The following PBX3 variants were observed in gnomAD, a reference collection of about 807,000 sequenced individuals.
The protein encoded by PBX3 is pre-B-cell leukemia transcription factor 3.
Under a neutral mutation model 48.5 loss-of-function variants are expected in PBX3, and 14 were observed. The observed-to-expected ratio is 0.29, with a 90% CI of 0.19 to 0.45. The LOEUF (loss-of-function observed/expected upper bound fraction) is 0.45. Ranked by LOEUF, PBX3 falls within the 20% of genes least tolerant of loss-of-function variation. The pLI is 1.00. For missense variants in PBX3, 386 were observed against 546.7 expected, an observed-to-expected ratio of 0.71 and a Z score of 2.93; for synonymous variants, 210 against 200.3, an observed-to-expected ratio of 1.05 and a Z score of -0.41.
chr9:125,880,822 C>CT (rs1840363882), intron 2 of PBX3, among the ~76,000 whole-genome samples: 1 of 152,052 alleles, frequency 6.6e-6, no homozygotes, highest in African/African-American at 2.4e-5. Flanking sequence ...GCTGGATTTT[C>CT]TTTTAGAGTT....
At chr9:125,867,277 T>TA (rs1474223320) in intron 2 of PBX3, among the ~76,000 whole-genome samples, 1 of 151,800 alleles carries the variant, frequency 6.6e-6, no homozygotes, top group East Asian at 1.9e-4. Context: ...CCATGGGTAA[T>TA]ACATTTTTAG....
At chr9:125,758,655 T>A (rs1349705434) in intron 2 of PBX3, among the ~76,000 whole-genome samples, 1 of 152,182 alleles carries the variant, frequency 6.6e-6, no homozygotes, top group East Asian at 1.9e-4. Flanking sequence ...AACCTCTTCT[T>A]CCTTAAGCGA....
intron 3 of PBX3, among the ~76,000 whole-genome samples, chr9:125,920,454 A>C (rs1380004207): frequency 1.3e-5 from 2 of 152,226 alleles, no homozygotes; most frequent in Non-Finnish European, 2.9e-5. Flanking sequence ...CCCTACCAAA[A>C]GGAAATGGAC....
At chr9:125,748,349 T>G (rs12686532) in intron 1 of PBX3, 14 of 1,296,686 alleles carry the variant, frequency 1.1e-5, no homozygotes, top group Admixed American at 3.1e-5. Flanking sequence ...GGGTCCGCCT[T>G]GTTCCGGCTG....
intron 2 of PBX3, among the ~76,000 whole-genome samples, chr9:125,777,277 T>A (rs953972568): frequency 2.0e-5 from 3 of 151,956 alleles, no homozygotes; most frequent in Non-Finnish European, 2.9e-5. Flanking sequence ...CCACCCAACG[T>A]GCTAGGATTA....
chr9:125,910,734 G>T (rs1446732744), intron 2 of PBX3, among the ~76,000 whole-genome samples: 2 of 150,284 alleles, frequency 1.3e-5, no homozygotes, highest in African/African-American at 4.9e-5. Flanking sequence ...GATGGGCTTT[G>T]GGGCCATGAG....
chr9:125,889,855 T>A (rs1314999312), intron 2 of PBX3, among the ~76,000 whole-genome samples: 1 of 147,672 alleles, frequency 6.8e-6, no homozygotes, highest in African/African-American at 2.4e-5. Context: ...GCGAGAACAA[T>A]GGGCGCGCCC....
chr9:125,788,086 T>C (rs1837504697), intron 2 of PBX3, among the ~76,000 whole-genome samples: 1 of 152,232 alleles, frequency 6.6e-6, no homozygotes, highest in African/African-American at 2.4e-5. Flanking sequence ...GTGACAATTA[T>C]TAATATTAGT....
intron 2 of PBX3, among the ~76,000 whole-genome samples, chr9:125,891,293 A>C (rs1340813765): frequency 6.6e-6 from 1 of 152,230 alleles, no homozygotes; most frequent in Non-Finnish European, 1.5e-5. Context: ...ATTTATTATT[A>C]TAGATAACCG....
chr9:125,748,473 G>A (rs987936728), intron 1 of PBX3, 77 bp from the exon 2 acceptor site: 5 of 1,565,046 alleles, frequency 3.2e-6, no homozygotes, highest in Admixed American at 1.7e-5. Flanking sequence ...TTAAATCTTG[G>A]GTCTAACTTA....
chr9:125,885,798 A>ATG (rs10564495), intron 2 of PBX3, among the ~76,000 whole-genome samples: 315 of 150,400 alleles, frequency 2.1e-3, no homozygotes, highest in Admixed American at 3.1e-3. Flanking sequence ...ACTGTAGGGG[A>ATG]TGTGTGTGTG....
rs1208664730 is a variant in PBX3, at chr9:125,834,847, C to T, written c.275-80839C>T. ...CCTGCCCAACATGGCGAAACCCCGTCTCTACCAAAAATACAAAAAATGAGC... is the reference window on the plus strand; with the variant it reads ...CCTGCCCAACATGGCGAAACCCCGTTTCTACCAAAAATACAAAAAATGAGC... On this transcript the variant is annotated intron_variant, in intron 2 of 8. Transcript: ENST00000373489. Among the ~76,000 whole-genome samples the T allele has an allele frequency of 4.0e-5, 6 of 149,920 alleles. 1 individual carries two copies. The highest frequency in any genetic ancestry group is 1.3e-4 in the Admixed American group (2 of 15,114).
chr9:125,868,224 G>A (rs112092724), intron 2 of PBX3, among the ~76,000 whole-genome samples: 3 of 152,028 alleles, frequency 2.0e-5, no homozygotes, highest in Admixed American at 6.6e-5. Context: ...ACTGTGCCAA[G>A]CACTTTGTAT....
At chr9:125,930,749 C>T (rs1426698593) in intron 4 of PBX3, among the ~76,000 whole-genome samples, 1 of 152,168 alleles carries the variant, frequency 6.6e-6, no homozygotes, top group Non-Finnish European at 1.5e-5. Context: ...CATGGGCTAG[C>T]ACAGTACCTA....
At chr9:125,921,981 A>G (rs955869552) in intron 3 of PBX3, among the ~76,000 whole-genome samples, 3 of 152,176 alleles carry the variant, frequency 2.0e-5, no homozygotes, top group Non-Finnish European at 4.4e-5. Context: ...TTCCCCCAAA[A>G]TCAGTGCTTG....
chr9:125,889,187 C>T (rs1840574776), intron 2 of PBX3, among the ~76,000 whole-genome samples: 1 of 152,216 alleles, frequency 6.6e-6, no homozygotes, highest in Admixed American at 6.5e-5. Flanking sequence ...AGTGTGGGTT[C>T]GCCCACATCC....
chr9:125,759,333 A>C lies in PBX3; in HGVS notation c.274+10710A>C, dbSNP rs543020519. ...TCTGTTGTTAAAGTGGCCCCTAGTG[A>C]TAGTGCTGCAGTGACTAGATAGAGC... On this transcript the variant is annotated intron_variant, in intron 2 of 8. Coordinates refer to ENST00000373489, the MANE Select transcript of PBX3 (RefSeq NM_006195.6). This position sits in a 1 kb window ranked among gnomAD's most constrained non-coding sequence, Gnocchi z 4.2. Among the ~76,000 whole-genome samples, 1 of 152,176 alleles carries C rather than the reference A, an allele frequency of 6.6e-6. No individual in the cohort carries two copies. The highest frequency in any genetic ancestry group is 1.5e-5 in the Non-Finnish European group (1 of 68,028).
chr9:125,965,723 C>T (rs903942408), intron 8 of PBX3, 108 bp from the exon 9 acceptor site: 3 of 799,336 alleles, frequency 3.8e-6, no homozygotes, highest in Admixed American at 1.9e-5. Context: ...TTAGAAAATA[C>T]ATTTTGCTAA....
intron 2 of PBX3, among the ~76,000 whole-genome samples, chr9:125,835,016 A>C (rs1230576240): frequency 9.3e-5 from 1 of 10,728 alleles, no homozygotes; most frequent in Non-Finnish European, 1.4e-4. Flanking sequence ...ACTCTGTCTC[A>C]AAAAAAAAAA....
Sources: gnomAD v4.1 joint callset for allele counts (sites outside exome capture counted in the v4.1 genomes callset) on GRCh38, gnomAD v4.1.1 for gene constraint, Gnocchi (gnomAD v3.1) non-coding constraint, MANE v1.5 for transcripts, NCBI Gene and HGNC (gene_info 2026-07-23, HGNC 2026-07-21) for gene names.